GALNT17: variants seen among roughly 807,000 people sequenced by gnomAD.
The protein encoded by GALNT17 is polypeptide N-acetylgalactosaminyltransferase 17, also known as UDP-GalNAc:polypeptide N-acetylgalactosaminyltransferase-like 3.
In GALNT17, 29 loss-of-function variants were observed where a neutral mutation model predicts 63.7. The ratio of observed to expected loss-of-function variants is 0.46; its 90% CI spans 0.34 to 0.62. GALNT17 has a LOEUF of 0.62. Ranked by LOEUF, GALNT17 falls within the 20% of genes least tolerant of loss-of-function variation. GALNT17 has a pLI of 0.01. For synonymous variants in GALNT17, 305 were observed against 318.3 expected (o/e 0.96, Z 0.45); for missense variants, 603 against 799.6 (o/e 0.75, Z 2.97).
chr7:71,265,118 A>AT lies in GALNT17; in HGVS notation c.239-70406dup, dbSNP rs60738546. On this transcript the variant is annotated intron_variant, in intron 1 of 10. Transcript: ENST00000333538. ...AAATATTATATATATATATATATAT[A>AT]TTTTTTTTTTTTTTTTTTTTTTTTT... Among the ~76,000 whole-genome samples, 251 of 37,442 alleles carry AT rather than the reference A, an allele frequency of 6.7e-3. 15 individuals are homozygous for AT. Among genetic ancestry groups the AT allele is most frequent in the African/African-American group, 8.2e-3 (119 of 14,510 alleles). The allele number at this position is 37,442 out of a possible 152,430, so 24.6% of individuals were successfully genotyped here. A position where few individuals can be genotyped will look rare whatever the true frequency, so the allele number is the denominator to read the frequency against.
intron 1 of GALNT17, among the ~76,000 whole-genome samples, chr7:71,190,115 G>A (rs1051745897): frequency 1.3e-5 from 2 of 152,164 alleles, no homozygotes; most frequent in Non-Finnish European, 2.9e-5. Flanking sequence ...CTGGCTGCAA[G>A]AACCATTTCT....
At chr7:71,638,137 G>C (rs1790554065) in intron 6 of GALNT17, among the ~76,000 whole-genome samples, 1 of 152,182 alleles carries the variant, frequency 6.6e-6, no homozygotes. Flanking sequence ...AAACTGTTAT[G>C]GCATTGGTGG....
intron 1 of GALNT17, among the ~76,000 whole-genome samples, chr7:71,143,095 C>T (rs1354717140): frequency 3.3e-5 from 5 of 151,952 alleles, no homozygotes; most frequent in African/African-American, 1.2e-4. Flanking sequence ...AGTGAGATCA[C>T]CTTGTGGAAG....
intron 6 of GALNT17, among the ~76,000 whole-genome samples, chr7:71,590,585 C>A (rs1202318045): frequency 1.3e-5 from 2 of 152,182 alleles, no homozygotes; most frequent in East Asian, 3.8e-4. Context: ...GAGATGACAT[C>A]CTGATGTGCT....
intron 1 of GALNT17, among the ~76,000 whole-genome samples, chr7:71,256,028 C>A (rs1790283021): frequency 6.6e-6 from 1 of 152,172 alleles, no homozygotes; most frequent in African/African-American, 2.4e-5. Flanking sequence ...CATTTACAAT[C>A]TATTCTCCCT....
At chr7:71,610,023 G>A (rs1233360377) in intron 6 of GALNT17, among the ~76,000 whole-genome samples, 1 of 151,978 alleles carries the variant, frequency 6.6e-6, no homozygotes, top group East Asian at 1.9e-4. Flanking sequence ...CTTTTTAACT[G>A]TGTCCATGAA....
intron 5 of GALNT17, among the ~76,000 whole-genome samples, chr7:71,432,453 G>A (rs1400908778): frequency 2.0e-5 from 3 of 152,132 alleles, no homozygotes; most frequent in Non-Finnish European, 4.4e-5. Context: ...AACTGCAGTA[G>A]CATCGTCCAG....
chr7:71,196,490 G>A (rs915575802), intron 1 of GALNT17, among the ~76,000 whole-genome samples: 5 of 152,024 alleles, frequency 3.3e-5, no homozygotes, highest in African/African-American at 4.8e-5. Context: ...TCAGAGCCAC[G>A]AGTACAATGT....
intron 6 of GALNT17, among the ~76,000 whole-genome samples, chr7:71,645,893 G>A (rs562131194): frequency 7.2e-5 from 11 of 152,154 alleles, no homozygotes; most frequent in Admixed American, 5.2e-4. Flanking sequence ...TGTCATGGTT[G>A]TGAATGTCAT....
chr7:71,193,879 C>T (rs1031557272), intron 1 of GALNT17, among the ~76,000 whole-genome samples: 4 of 152,064 alleles, frequency 2.6e-5, no homozygotes, highest in East Asian at 1.9e-4. Context: ...CAGTTAAAAA[C>T]GGGAATGATG....
chr7:71,374,857 T>TG (rs1407614923), intron 2 of GALNT17, among the ~76,000 whole-genome samples: 1 of 106,498 alleles, frequency 9.4e-6, no homozygotes, highest in African/African-American at 3.4e-5. Context: ...TTTTTTTTTT[T>TG]GAGACGGAGT....
intron 1 of GALNT17, among the ~76,000 whole-genome samples, chr7:71,295,534 C>T (rs1407223087): frequency 2.0e-5 from 3 of 151,244 alleles, no homozygotes; most frequent in Non-Finnish European, 4.4e-5. Context: ...CCCTTCCTTC[C>T]TTTCCCTTCC....
At chr7:71,473,234 T>C (rs531856763) in intron 5 of GALNT17, among the ~76,000 whole-genome samples, 6 of 152,278 alleles carry the variant, frequency 3.9e-5, no homozygotes, top group East Asian at 1.9e-4. Context: ...GTTCTTGTTA[T>C]GTAGATGAAG....
intron 2 of GALNT17, among the ~76,000 whole-genome samples, chr7:71,374,502 G>T (rs144086494): frequency 6.6e-6 from 1 of 152,222 alleles, no homozygotes; most frequent in African/African-American, 2.4e-5. Flanking sequence ...TGAGGCTCAC[G>T]CTTGGAGCTG....
intron 5 of GALNT17, among the ~76,000 whole-genome samples, chr7:71,454,937 A>C (rs180746294): frequency 1.2e-3 from 180 of 152,218 alleles, no homozygotes; most frequent in African/African-American, 4.1e-3. Flanking sequence ...AGGTCAAGGC[A>C]GGCAGAATGG....
At chr7:71,338,123 C>G (rs991819123) in intron 2 of GALNT17, among the ~76,000 whole-genome samples, 1 of 151,670 alleles carries the variant, frequency 6.6e-6, no homozygotes, top group African/African-American at 2.4e-5. Context: ...ATCAGGAGAT[C>G]GAGACCATTC....
At chr7:71,254,433 A>C (rs1028487172) in intron 1 of GALNT17, among the ~76,000 whole-genome samples, 8 of 152,256 alleles carry the variant, frequency 5.3e-5, no homozygotes, top group Admixed American at 5.2e-4. Context: ...GTGCCGTTTC[A>C]AAATATGTCA....
At chr7:71,541,340 G>T (rs1788888241) in intron 5 of GALNT17, among the ~76,000 whole-genome samples, 1 of 151,948 alleles carries the variant, frequency 6.6e-6, no homozygotes, top group African/African-American at 2.4e-5. Context: ...ATCACCTGAG[G>T]TCAGGGGTTC....
chr7:71,557,514 C>CT (rs1789184326), intron 5 of GALNT17, among the ~76,000 whole-genome samples: 1 of 152,296 alleles, frequency 6.6e-6, no homozygotes, highest in East Asian at 1.9e-4. Context: ...ACCTTCCTAG[C>CT]TGGGTGCAGT....
Sources: allele counts gnomAD v4.1 joint callset (sites outside exome capture counted in the v4.1 genomes callset), GRCh38; gene constraint gnomAD v4.1.1; transcripts MANE v1.5; gene names NCBI Gene and HGNC (gene_info 2026-07-23, HGNC 2026-07-21).